PLEKHG7: variants seen among roughly 807,000 people sequenced by gnomAD.
PLEKHG7 encodes pleckstrin homology domain-containing family G member 7.
In PLEKHG7, 77 loss-of-function variants were observed where a neutral mutation model predicts 85.2. The ratio of observed to expected loss-of-function variants is 0.90; its 90% CI spans 0.75 to 1.09. The LOEUF is 1.09. Among genes scored for constraint, PLEKHG7 ranks in the 50% least tolerant of loss-of-function variants. The pLI, the probability that PLEKHG7 is intolerant of heterozygous loss-of-function variation, is 0.00. For synonymous variants in PLEKHG7, 301 were observed against 302.4 expected, an observed-to-expected ratio of 1.00 and a Z score of 0.05; for missense variants, 777 against 804.3, an observed-to-expected ratio of 0.97 and a Z score of 0.41.
intron 3 of PLEKHG7, among the ~76,000 whole-genome samples, chr12:92,715,831 C>T (rs762394813): frequency 1.4e-4 from 21 of 151,888 alleles, no homozygotes; most frequent in Non-Finnish European, 2.6e-4. Flanking sequence ...CCAACGCCCA[C>T]TCATTTGTGC....
intron 4 of PLEKHG7, among the ~76,000 whole-genome samples, chr12:92,731,439 G>A (rs1871990485): frequency 6.6e-6 from 1 of 152,120 alleles, no homozygotes; most frequent in Non-Finnish European, 1.5e-5. Context: ...CACTCTCCTG[G>A]GGGATCTGAT....
chr12:92,762,395 A>G (rs1011446443), intron 14 of PLEKHG7, among the ~76,000 whole-genome samples: 38 of 152,210 alleles, frequency 2.5e-4, no homozygotes, highest in Non-Finnish European at 1.0e-4. Context: ...GTAGAAGCCA[A>G]ACATGTATGT....
intron 15 of PLEKHG7, among the ~76,000 whole-genome samples, chr12:92,767,574 T>C (rs1046091245): frequency 1.3e-4 from 20 of 152,160 alleles, no homozygotes; most frequent in African/African-American, 4.6e-4. Flanking sequence ...CAGAATTTTA[T>C]GGCCTCTCAT....
At chr12:92,734,750 A>T (rs528318660) in intron 5 of PLEKHG7, among the ~76,000 whole-genome samples, 13 of 152,278 alleles carry the variant, frequency 8.5e-5, no homozygotes, top group African/African-American at 3.1e-4. Context: ...AAATTTATAT[A>T]TTCAGTCTTA....
chr12:92,717,306 C>G (rs1282265904), intron 3 of PLEKHG7, among the ~76,000 whole-genome samples: 6 of 152,090 alleles, frequency 3.9e-5, no homozygotes, highest in Non-Finnish European at 5.9e-5. Context: ...AAAAAACAAA[C>G]AAAGAAAGTA....
chr12:92,716,417 T>G (rs932018551), intron 3 of PLEKHG7, among the ~76,000 whole-genome samples: 2 of 152,174 alleles, frequency 1.3e-5, no homozygotes, highest in African/African-American at 2.4e-5. Flanking sequence ...AACCTGACAA[T>G]GTGTAAGTGA....
chr12:92,731,858 A>G (rs1282430097), intron 4 of PLEKHG7, among the ~76,000 whole-genome samples: 1 of 152,188 alleles, frequency 6.6e-6, no homozygotes, highest in Non-Finnish European at 1.5e-5. Context: ...GTGAAAATGA[A>G]GGGCCTGTCC....
intron 3 of PLEKHG7, among the ~76,000 whole-genome samples, chr12:92,715,018 GGATAGATAGATAGATAGATAGATAGATA>G (rs10563574): frequency 5.4e-4 from 79 of 147,538 alleles, no homozygotes; most frequent in Non-Finnish European, 1.1e-3. Flanking sequence ...AGAACTAATG[GGATAGATAGATAGATAGATAGATAGATA>G]GATAGATAGA....
In PLEKHG7 at chr12:92,738,874, C is replaced by T. The variant is rs368089690; in HGVS notation, c.939+1353C>T. ...ATCCTTAACTTAGCAAAATGTGAACCGCAAAGACACTCTAGGAGAAAACTG... is the reference window on the plus strand; with the variant it reads ...ATCCTTAACTTAGCAAAATGTGAACTGCAAAGACACTCTAGGAGAAAACTG... On this transcript the variant is annotated intron_variant, in intron 7 of 16. Transcript: ENST00000344636. Among the ~76,000 whole-genome samples the T allele has an allele frequency of 1.2e-3, 178 of 152,178 alleles. 1 individual carries two copies. The highest frequency in any genetic ancestry group is 3.1e-3 in the Admixed American group (48 of 15,286).
At chr12:92,710,448 G>T (rs1345325245) in intron 3 of PLEKHG7, among the ~76,000 whole-genome samples, 3 of 152,182 alleles carry the variant, frequency 2.0e-5, no homozygotes, top group African/African-American at 7.2e-5. Context: ...AGGCAATGCT[G>T]TGTGGAATAC....
Position 92,754,165 on chromosome 12 carries a change from C to T in PLEKHG7, c.1327C>T (p.Arg443Ter), listed in dbSNP as rs958183873. The T allele has an allele frequency of 3.7e-6, 6 of 1,613,932 alleles. No individual in the cohort carries two copies. Among genetic ancestry groups the T allele is most frequent in the East Asian group, 2.2e-5 (1 of 44,840 alleles). ...AGTGGCCCCACTACAGAGGCTCACT[C>T]GATATCCGTTGTTGCTGAAGAATAT... ...LLVAPLQRLTRYPLLLKNIWK... is the reference protein window; with the variant it reads ...LLVAPLQRLT Residue 443 changes from arginine (R) to a stop codon, truncating the protein, a stop_gained, in exon 11 of 17, where the codon CGA becomes TGA. Coordinates refer to ENST00000344636, the MANE Select transcript of PLEKHG7 (RefSeq NM_001377329.1). LOFTEE classifies it high-confidence loss of function.
At chr12:92,706,086 A>G (rs1871220541) in intron 1 of PLEKHG7, among the ~76,000 whole-genome samples, 2 of 152,238 alleles carry the variant, frequency 1.3e-5, no homozygotes, top group East Asian at 3.9e-4. Context: ...CCCAGAATGC[A>G]CCACAATATG....
intron 5 of PLEKHG7, among the ~76,000 whole-genome samples, chr12:92,735,663 C>A (rs1445872162): frequency 6.6e-6 from 1 of 152,098 alleles, no homozygotes; most frequent in Admixed American, 6.5e-5. Context: ...GTGGGCAATT[C>A]ATGATGTCGC....
At chr12:92,752,474 A>G (rs775389620) in intron 10 of PLEKHG7, among the ~76,000 whole-genome samples, 1 of 151,896 alleles carries the variant, frequency 6.6e-6, no homozygotes, top group African/African-American at 2.4e-5. Flanking sequence ...AGGAGTTTAG[A>G]CCTCCACAGG....
At chr12:92,736,655 A>G (rs1374080508) in intron 6 of PLEKHG7, 78 bp downstream of exon 6, 3 of 885,774 alleles carry the variant, frequency 3.4e-6, no homozygotes, top group Non-Finnish European at 1.5e-6. Flanking sequence ...TCGGGTCAGT[A>G]TTTTAAGCTG....
intron 3 of PLEKHG7, among the ~76,000 whole-genome samples, chr12:92,711,448 A>G (rs1378927333): frequency 6.6e-6 from 1 of 152,126 alleles, no homozygotes. Context: ...CCAATCACAT[A>G]TATACCACTT....
At chr12:92,716,342 C>T (rs570634750) in intron 3 of PLEKHG7, among the ~76,000 whole-genome samples, 113 of 152,310 alleles carry the variant, frequency 7.4e-4, no homozygotes, top group African/African-American at 2.6e-3. Flanking sequence ...AAGTCGTCCA[C>T]CCTCCTTGGC....
chr12:92,706,807 G>A lies in PLEKHG7; in HGVS notation c.176G>A (p.Cys59Tyr), dbSNP rs1424104215. The change falls in exon 2 of 17, where the codon TGT becomes TAT. Residue 59 changes from cysteine (C) to tyrosine (Y), a missense_variant. Transcript: ENST00000344636. ...TTGAGGAGATTAAGGACCCGTGGCT[G>A]TGGGACAAGGCAGGATGCCTGGCAG... ...PTLRRLRTRG[C>Y]GTRQDAWQVT... 1 of 1,614,034 alleles carries A rather than the reference G, an allele frequency of 6.2e-7. No homozygotes were observed. Among genetic ancestry groups the A allele is most frequent in the African/African-American group, 1.3e-5 (1 of 75,054 alleles).
intron 5 of PLEKHG7, among the ~76,000 whole-genome samples, chr12:92,732,895 G>A (rs2136595290): frequency 6.6e-6 from 1 of 152,238 alleles, no homozygotes; most frequent in African/African-American, 2.4e-5. Context: ...CCTGACTCCT[G>A]TTTTCTAGGG....
Sources: gnomAD v4.1 joint callset for allele counts (sites outside exome capture counted in the v4.1 genomes callset) on GRCh38, gnomAD v4.1.1 for gene constraint, MANE v1.5 for transcripts, NCBI Gene and HGNC (gene_info 2026-07-23, HGNC 2026-07-21) for gene names.